The following NPFFR1 variants were observed in gnomAD, a reference collection of about 807,000 sequenced individuals.
NPFFR1 encodes G-protein coupled receptor 147.
A neutral mutation model predicts 12.7 loss-of-function variants in NPFFR1; 17 were observed. That is an observed-to-expected ratio of 1.34 (90% CI 0.92 to 2.01). The LOEUF (loss-of-function observed/expected upper bound fraction) is 2.01, where lower values mean the gene tolerates loss of function less well. Among genes scored for constraint, NPFFR1 ranks in the 30% most tolerant of loss-of-function variants. The probability of loss-of-function intolerance (pLI) is 0.00; values close to 1 mark genes in which losing one functional copy is unlikely to be tolerated. For missense variants in NPFFR1, 604 were observed against 606.5 expected (o/e 1.00, Z 0.04); for synonymous variants, 296 against 264.5 (o/e 1.12, Z -1.16).
At chr10:70,270,706 C>T (rs972127034) in intron 1 of NPFFR1, among the ~76,000 whole-genome samples, 2 of 152,204 alleles carry the variant, frequency 1.3e-5, no homozygotes, top group African/African-American at 4.8e-5. Flanking sequence ...GGCAGGCCTC[C>T]CACCCCATCT....
intron 1 of NPFFR1, among the ~76,000 whole-genome samples, chr10:70,273,655 A>C (rs1460995180): frequency 1.3e-5 from 2 of 152,162 alleles, no homozygotes; most frequent in Admixed American, 1.3e-4. Context: ...ACCGTCCATC[A>C]GGTGTCTGCA....
In NPFFR1 at chr10:70,254,978, G is replaced by A. The variant is rs1382909973; in HGVS notation, c.1272C>T (p.Thr424=). The A allele has an allele frequency of 2.1e-6, 3 of 1,439,034 alleles. No individual in the cohort carries two copies. In the East Asian group the frequency reaches 8.0e-5, roughly 38 times the overall value. The allele number at this position is 1,439,034 out of a possible 1,614,324, so 89.1% of individuals were successfully genotyped here. Residue 424 remains threonine, a synonymous_variant, in exon 4 of 4, where the codon ACC becomes ACT. Coordinates refer to ENST00000277942, the MANE Select transcript of NPFFR1 (RefSeq NM_022146.5). ...CCCCTCAGATATCCCAGGCTGGAAT[G>A]GTGAGGGGCAGGTGGGAGCAGCCAG... ...EGPGCSHLPL[T]IPAWDI is the part of the protein sequence containing the mutation.
At chr10:70,266,916 C>G (rs1366472192) in intron 1 of NPFFR1, among the ~76,000 whole-genome samples, 1 of 152,236 alleles carries the variant, frequency 6.6e-6, no homozygotes, top group East Asian at 1.9e-4. Context: ...TTTCATGGCT[C>G]TAGCCCTCAC....
chr10:70,261,310 C>T (rs1005226868), intron 2 of NPFFR1, among the ~76,000 whole-genome samples: 2 of 152,166 alleles, frequency 1.3e-5, no homozygotes, highest in African/African-American at 4.8e-5. Context: ...GGATGTGCTT[C>T]CCCTTCCACC....
chr10:70,263,754 T>C (rs1840658524), intron 2 of NPFFR1, among the ~76,000 whole-genome samples: 1 of 151,898 alleles, frequency 6.6e-6, no homozygotes, highest in African/African-American at 2.4e-5. Flanking sequence ...GAATGAATGA[T>C]TCAACCTTCT....
intron 2 of NPFFR1, among the ~76,000 whole-genome samples, chr10:70,264,223 A>T (rs1434507260): frequency 2.0e-5 from 3 of 151,906 alleles, no homozygotes; most frequent in Non-Finnish European, 4.4e-5. Flanking sequence ...AAAATACAAA[A>T]ATTAGCTGGG....
chr10:70,271,981 G>A (rs1466187868), intron 1 of NPFFR1, among the ~76,000 whole-genome samples: 1 of 151,844 alleles, frequency 6.6e-6, no homozygotes, highest in Non-Finnish European at 1.5e-5. Context: ...GCCAGGCGTG[G>A]TGGTGGGCCC....
intron 3 of NPFFR1, among the ~76,000 whole-genome samples, chr10:70,257,627 A>T (rs1840585413): frequency 6.6e-6 from 1 of 152,246 alleles, no homozygotes; most frequent in Non-Finnish European, 1.5e-5. Context: ...ACCGTCCCCC[A>T]GCCCAACACC....
intron 1 of NPFFR1, among the ~76,000 whole-genome samples, chr10:70,277,771 G>T (rs1840818881): frequency 6.6e-6 from 1 of 152,188 alleles, no homozygotes; most frequent in Non-Finnish European, 1.5e-5. Flanking sequence ...CTGGGGTTAG[G>T]CTGGGGAGCA....
chr10:70,255,324 T>G lies in NPFFR1; in HGVS notation c.926A>C (p.Tyr309Ser). The change falls in exon 4 of 4, where the codon TAC (tyrosine) becomes TCC (serine). Residue 309 changes from tyrosine (Y) to serine (S), a missense_variant. Tyr to Ser is a moderately radical substitution (Grantham distance 144). Coordinates refer to ENST00000277942, the MANE Select transcript of NPFFR1 (RefSeq NM_022146.5). The surrounding 1 kb of genome is among the most constrained non-coding windows in gnomAD (Gnocchi z 4.2). ...CAGCCAGTGCGCGAAGGGGAAGGCG[T>G]AGACGGTGACCAGGTGCAGCTGCGG... ...SAPQLHLVTV[Y>S]AFPFAHWLAF... 6.3e-7 allele frequency: 1 copy of G among 1,580,516 alleles called. No homozygotes were observed. Among genetic ancestry groups the G allele is most frequent in the Non-Finnish European group, 8.6e-7 (1 of 1,167,334 alleles).
At chr10:70,264,356 A>G (rs1254993712) in intron 2 of NPFFR1, among the ~76,000 whole-genome samples, 1 of 128,348 alleles carries the variant, frequency 7.8e-6, no homozygotes, top group Non-Finnish European at 1.6e-5. Flanking sequence ...CCCGGGTGAC[A>G]GTGAGACTCC....
chr10:70,271,679 G>A (rs927584976), intron 1 of NPFFR1, among the ~76,000 whole-genome samples: 9 of 152,226 alleles, frequency 5.9e-5, no homozygotes, highest in Non-Finnish European at 1.0e-4. Context: ...CTGAGGCTTC[G>A]ATGAGACGAC....
chr10:70,252,715 G>A lies in NPFFR1; in HGVS notation c.*2242C>T, dbSNP rs1187619324. The A allele has an allele frequency of 1.3e-5, 2 of 152,178 alleles. No homozygotes were observed. The highest frequency in any genetic ancestry group is 2.4e-5 in the African/African-American group (1 of 41,438). The allele number at this position is 152,178 out of a possible 1,614,324, so 9.4% of individuals were successfully genotyped here. A position where few individuals can be genotyped will look rare whatever the true frequency, so the allele number is the denominator to read the frequency against. On this transcript the variant is annotated 3_prime_UTR_variant, in exon 4 of 4. Transcript: ENST00000277942. ...AAATATGTTAATTGTAACCTTCAGC[G>A]AGAGCTGAAGGAGTTTTTTGGGCAG...
chr10:70,283,132 T>TGTGTGTG (rs1554833975), intron 1 of NPFFR1, among the ~76,000 whole-genome samples: 62 of 149,658 alleles, frequency 4.1e-4, no homozygotes, highest in African/African-American at 1.5e-3. Flanking sequence ...CTCTCTCTTT[T>TGTGTGTG]TGTGTGTGTG....
At chr10:70,269,874 ACT>A in intron 1 of NPFFR1, among the ~76,000 whole-genome samples, 1 of 151,162 alleles carries the variant, frequency 6.6e-6, no homozygotes, top group East Asian at 1.9e-4. Context: ...ACCCAGTGCC[ACT>A]CTCCCCTTTG....
At chr10:70,256,541 T>G (rs1052786304) in intron 3 of NPFFR1, among the ~76,000 whole-genome samples, 1 of 152,226 alleles carries the variant, frequency 6.6e-6, no homozygotes, top group Non-Finnish European at 1.5e-5. Flanking sequence ...AGAGCCTACA[T>G]GTCAGGCTGT....
At chr10:70,256,722 T>C (rs1840576684) in intron 3 of NPFFR1, among the ~76,000 whole-genome samples, 1 of 152,354 alleles carries the variant, frequency 6.6e-6, no homozygotes, top group African/African-American at 2.4e-5. Context: ...ACAAGGAAAC[T>C]GGGACTCGAG....
rs1472172141 is a variant in NPFFR1, at chr10:70,283,651, C to T, written c.7+19G>A. The stretch of plus-strand genomic sequence containing the variant: ...GGTACCCTGCCCCACGGCTGGCCCC[C>T]AGCCCCAGGACCACTCACCCTCCAT... On this transcript the variant is annotated intron_variant, in intron 1 of 3. Transcript: ENST00000277942. 4 of 1,534,882 alleles carry T rather than the reference C, an allele frequency of 2.6e-6. No homozygotes were observed. The South Asian group carries it at 4.8e-5, about 18-fold the overall frequency.
chr10:70,263,444 T>G (rs530763532), intron 2 of NPFFR1, among the ~76,000 whole-genome samples: 1 of 152,188 alleles, frequency 6.6e-6, no homozygotes, highest in Non-Finnish European at 1.5e-5. Context: ...GGCTAATTTT[T>G]TGTATTTTTT....
Sources: allele counts gnomAD v4.1 joint callset (sites outside exome capture counted in the v4.1 genomes callset), GRCh38; gene constraint gnomAD v4.1.1; non-coding constraint Gnocchi (gnomAD v3.1); transcripts MANE v1.5; gene names NCBI Gene and HGNC (gene_info 2026-07-23, HGNC 2026-07-21).